Variants in DLG2 observed in about 807,000 individuals in gnomAD.
DLG2 encodes disks large homolog 2.
In DLG2, 45 loss-of-function variants were observed where a neutral mutation model predicts 132.5. That is an observed-to-expected ratio of 0.34 (90% CI 0.27 to 0.44). The LOEUF is 0.44. DLG2 is among the 20% of genes least tolerant of loss of function. The pLI, the probability that DLG2 is intolerant of heterozygous loss-of-function variation, is 1.00. For missense variants in DLG2, 1,045 were observed against 1,196.9 expected, an observed-to-expected ratio of 0.87 and a Z score of 1.87; for synonymous variants, 424 against 419.6, an observed-to-expected ratio of 1.01 and a Z score of -0.13.
intron 14 of DLG2, among the ~76,000 whole-genome samples, chr11:83,944,081 A>G (rs927988926): frequency 6.6e-6 from 1 of 152,196 alleles, no homozygotes; most frequent in African/African-American, 2.4e-5. Context: ...TGCTCTTGAC[A>G]TAAATTCTTC....
At chr11:84,429,720 A>T (rs2098978254) in intron 7 of DLG2, among the ~76,000 whole-genome samples, 1 of 152,232 alleles carries the variant, frequency 6.6e-6, no homozygotes, top group African/African-American at 2.4e-5. Context: ...TTATCTGATT[A>T]TCAAATTTAT....
chr11:84,873,915 G>A (rs749323800), intron 6 of DLG2, among the ~76,000 whole-genome samples: 14 of 152,250 alleles, frequency 9.2e-5, no homozygotes, highest in Admixed American at 6.5e-4. Context: ...GATATGGAGC[G>A]GAATCATTTA....
intron 4 of DLG2, among the ~76,000 whole-genome samples, chr11:85,263,291 G>A (rs1428345388): frequency 6.6e-6 from 1 of 152,184 alleles, no homozygotes; most frequent in Non-Finnish European, 1.5e-5. Flanking sequence ...AGATCACCTG[G>A]CTTAAAAGGT....
At chr11:83,775,007 C>T (rs2094529837) in intron 18 of DLG2, among the ~76,000 whole-genome samples, 3 of 151,736 alleles carry the variant, frequency 2.0e-5, no homozygotes, top group South Asian at 4.1e-4. Flanking sequence ...ACTCCCATAT[C>T]CCCCAAAAGA....
At chr11:84,348,536 T>A (rs188141877) in intron 7 of DLG2, among the ~76,000 whole-genome samples, 1 of 152,330 alleles carries the variant, frequency 6.6e-6, no homozygotes, top group Admixed American at 6.5e-5. Context: ...ACCCTTAATA[T>A]GCTAATGCAT....
At chr11:85,206,016 G>A (rs2081863103) in intron 4 of DLG2, among the ~76,000 whole-genome samples, 1 of 152,128 alleles carries the variant, frequency 6.6e-6, no homozygotes, top group Non-Finnish European at 1.5e-5. Flanking sequence ...AGTGTTGGAG[G>A]TGGGGACGGG....
chr11:83,633,141 T>C (rs2063862468), intron 19 of DLG2, 70 bp downstream of exon 19: 1 of 1,364,674 alleles, frequency 7.3e-7, no homozygotes, highest in Non-Finnish European at 1.0e-6. Flanking sequence ...TGTTGCTACA[T>C]GGTGTTGCCT....
At chr11:85,021,276 G>A in intron 6 of DLG2, 3 of 1,295,718 alleles carry the variant, frequency 2.3e-6, no homozygotes, top group Non-Finnish European at 3.4e-6. Context: ...CACGTGCTGG[G>A]TGACTGTACA....
Position 84,787,202 on chromosome 11 carries a change from G to T in DLG2, c.358-252471C>A, listed in dbSNP as rs188156613. 2.6e-5 allele frequency among the ~76,000 whole-genome samples: 4 copies of T among 152,224 alleles called. No homozygotes were observed. The East Asian group carries it at 5.8e-4, about 22-fold the overall frequency. On this transcript the variant is annotated intron_variant, in intron 6 of 27. Coordinates refer to ENST00000376104, the MANE Select transcript of DLG2 (RefSeq NM_001142699.3). ...GATTGACTCTTGGCAAGTGTCTCTG[G>T]TAAGTTTTCCATTAGGGGGCTTCTG... is the stretch of plus-strand genomic sequence containing the variant.
intron 3 of DLG2, among the ~76,000 whole-genome samples, chr11:85,480,627 C>T (rs1162146255): frequency 5.9e-5 from 9 of 152,110 alleles, no homozygotes; most frequent in Admixed American, 4.6e-4. Context: ...AATAAATTCC[C>T]AAATGTTAAC....
At chr11:84,919,993 G>A (rs1323945179) in intron 6 of DLG2, among the ~76,000 whole-genome samples, 1 of 152,178 alleles carries the variant, frequency 6.6e-6, no homozygotes, top group African/African-American at 2.4e-5. Flanking sequence ...CCAATGTAAT[G>A]TGAACCTTTA....
At chr11:83,822,351 T>C (rs1008641125) in intron 17 of DLG2, among the ~76,000 whole-genome samples, 22 of 152,168 alleles carry the variant, frequency 1.4e-4, no homozygotes, top group Non-Finnish European at 1.5e-4. Flanking sequence ...CTTAAGATAC[T>C]AGACCTAAAA....
intron 4 of DLG2, among the ~76,000 whole-genome samples, chr11:85,204,161 A>G (rs758442245): frequency 6.6e-5 from 10 of 152,146 alleles, no homozygotes; most frequent in African/African-American, 9.6e-5. Context: ...CTTTCATTCA[A>G]TATAGTAGTA....
chr11:84,398,444 A>G (rs1460117350), intron 7 of DLG2, among the ~76,000 whole-genome samples: 1 of 152,228 alleles, frequency 6.6e-6, no homozygotes, highest in African/African-American at 2.4e-5. Flanking sequence ...GGTGACCAGG[A>G]AGGCAGAAAG....
In DLG2 at chr11:84,043,141, TATTA is replaced by T. The variant is rs566490578; in HGVS notation, c.919+16170_919+16173del. Among the ~76,000 whole-genome samples the T allele has an allele frequency of 1.6e-3, 241 of 151,606 alleles. 1 individual carries two copies. The highest frequency in any genetic ancestry group is 2.7e-3 in the Non-Finnish European group (180 of 67,844). On this transcript the variant is annotated intron_variant, in intron 11 of 27. Coordinates refer to ENST00000376104, the MANE Select transcript of DLG2 (RefSeq NM_001142699.3). ...ATTGCTTAAATTTATTTAAGCAATT[TATTA>T]ATTAATTATAAATTGAGCAATTTAT...
At chr11:84,160,497 T>TAAA (rs1566758836) in intron 9 of DLG2, among the ~76,000 whole-genome samples, 29 of 151,528 alleles carry the variant, frequency 1.9e-4, no homozygotes, top group African/African-American at 2.2e-4. Context: ...GGTTAAAATT[T>TAAA]AAAAAATGAG....
chr11:85,307,108 C>T (rs1293918047), intron 3 of DLG2, among the ~76,000 whole-genome samples: 1 of 152,170 alleles, frequency 6.6e-6, no homozygotes. Flanking sequence ...GCCATCCACA[C>T]AGTATAACGA....
At chr11:84,287,600 C>T (rs1193920941) in intron 7 of DLG2, among the ~76,000 whole-genome samples, 2 of 152,028 alleles carry the variant, frequency 1.3e-5, no homozygotes, top group African/African-American at 4.8e-5. Flanking sequence ...GTAGCAGCTG[C>T]ATGTTTTAGT....
chr11:85,575,244 G>T (rs1226341322), intron 3 of DLG2, among the ~76,000 whole-genome samples: 1 of 151,650 alleles, frequency 6.6e-6, no homozygotes, highest in Non-Finnish European at 1.5e-5. Context: ...TCTCAATCAG[G>T]ACTGATTGAG....
Sources: allele counts gnomAD v4.1 joint callset (sites outside exome capture counted in the v4.1 genomes callset), GRCh38; gene constraint gnomAD v4.1.1; transcripts MANE v1.5; gene names NCBI Gene and HGNC (gene_info 2026-07-23, HGNC 2026-07-21).